Variants in PCP4L1 observed in about 807,000 individuals in gnomAD.
The protein encoded by PCP4L1 is Purkinje cell protein 4 like 1.
A neutral mutation model predicts 9.6 loss-of-function variants in PCP4L1; 9 were observed. The observed-to-expected ratio is 0.94, with a 90% CI of 0.57 to 1.64. The LOEUF is 1.64. Among genes scored for constraint, PCP4L1 ranks in the 40% most tolerant of loss-of-function variants. PCP4L1 has a pLI of 0.00. For synonymous variants in PCP4L1, 31 were observed against 28.2 expected (o/e 1.10, Z -0.31); for missense variants, 81 against 80.8 (o/e 1.00, Z -0.01).
intron 1 of PCP4L1, among the ~76,000 whole-genome samples, chr1:161,267,719 G>GTTTTTA (rs58544294): frequency 0.13 from 20,270 of 151,856 alleles, 1,434 homozygotes; most frequent in Middle Eastern, 0.16. Context: ...TTTTGTTTTT[G>GTTTTTA]TTTTTTTAGA....
Position 161,285,232 on chromosome 1 carries a change from G to GTAC in PCP4L1, c.*755_*757dup, listed in dbSNP as rs1317065902. The GTAC allele has an allele frequency of 1.3e-5, 2 of 152,366 alleles. No individual in the cohort carries two copies. Among genetic ancestry groups the GTAC allele is most frequent in the Non-Finnish European group, 2.9e-5 (2 of 68,102 alleles). The allele number at this position is 152,366 out of a possible 1,614,324, so 9.4% of individuals were successfully genotyped here. A position where few individuals can be genotyped will look rare whatever the true frequency, so the allele number is the denominator to read the frequency against. On this transcript the variant is annotated 3_prime_UTR_variant, in exon 3 of 3. Transcript: ENST00000504449. ...GAATTTTTTTACTGCTGGGAAAAGTGTACTACATGAAGGATGCTTGGGGCT... is the reference window on the plus strand; with the variant it reads ...GAATTTTTTTACTGCTGGGAAAAGTGTACTACTACATGAAGGATGCTTGGGGCT...
intron 1 of PCP4L1, among the ~76,000 whole-genome samples, chr1:161,274,863 G>A (rs1322057979): frequency 1.3e-5 from 2 of 152,178 alleles, no homozygotes; most frequent in African/African-American, 4.8e-5. Flanking sequence ...CCCTTTCAGT[G>A]GAAGGTAAAA....
intron 1 of PCP4L1, among the ~76,000 whole-genome samples, chr1:161,268,514 A>G (rs1669571156): frequency 1.4e-5 from 2 of 143,662 alleles, no homozygotes; most frequent in Admixed American, 6.9e-5. Flanking sequence ...AATATGTGCT[A>G]TGTATTTTAC....
rs114280853 is a variant in PCP4L1 at position 161,266,316 on chromosome 1, C to T, written c.9+7333C>T. Reference sequence around the variant, plus strand: ...TAATACGTTTATTTTGGGACATTAACACCATGGGTGGGATGCACATTGAAG... The same window carrying T: ...TAATACGTTTATTTTGGGACATTAATACCATGGGTGGGATGCACATTGAAG... On this transcript the variant is annotated intron_variant, in intron 1 of 2. Coordinates refer to ENST00000504449, the MANE Select transcript of PCP4L1 (RefSeq NM_001102566.2). 3.1e-3 allele frequency among the ~76,000 whole-genome samples: 476 copies of T among 152,322 alleles called. 1 individual carries two copies. The highest frequency in any genetic ancestry group is 5.7e-3 in the Non-Finnish European group (391 of 68,038).
At chr1:161,282,815 C>A (rs1669846058) in intron 1 of PCP4L1, among the ~76,000 whole-genome samples, 1 of 152,140 alleles carries the variant, frequency 6.6e-6, no homozygotes, top group East Asian at 1.9e-4. Flanking sequence ...ACAATGCCAT[C>A]TTTCGAATCA....
chr1:161,260,400 C>T (rs116645440), intron 1 of PCP4L1, among the ~76,000 whole-genome samples: 2 of 152,208 alleles, frequency 1.3e-5, no homozygotes, highest in African/African-American at 4.8e-5. Flanking sequence ...ACGCATCAAC[C>T]TCCTCTTTCA....
At chr1:161,261,163 G>GT (rs1325978628) in intron 1 of PCP4L1, among the ~76,000 whole-genome samples, 1 of 152,134 alleles carries the variant, frequency 6.6e-6, no homozygotes, top group Non-Finnish European at 1.5e-5. Context: ...TGAATCTTAC[G>GT]TAAGTTTCAC....
rs1669878138 is a variant in PCP4L1 at position 161,284,613 on chromosome 1, T to A, written c.*132T>A. 1.6e-6 allele frequency: 2 copies of A among 1,225,970 alleles called. No individual in the cohort carries two copies. The highest frequency in any genetic ancestry group is 2.6e-5 in the Admixed American group (1 of 38,414). The allele number at this position is 1,225,970 out of a possible 1,614,324, so 75.9% of individuals were successfully genotyped here. A position where few individuals can be genotyped will look rare whatever the true frequency, so the allele number is the denominator to read the frequency against. On this transcript the variant is annotated 3_prime_UTR_variant, in exon 3 of 3. Transcript: ENST00000504449. ...AGTTCAACCTTTATATACTCTTGTA[T>A]CTGGCCCCCTCAAGCCATCACAGAA...
chr1:161,274,902 TAGG>T (rs1489022742), intron 1 of PCP4L1, among the ~76,000 whole-genome samples: 1 of 152,154 alleles, frequency 6.6e-6, no homozygotes, highest in Non-Finnish European at 1.5e-5. Flanking sequence ...TTGTGAGTAA[TAGG>T]AGTTTTCTTC....
At chr1:161,279,984 G>A (rs1669766853) in intron 1 of PCP4L1, among the ~76,000 whole-genome samples, 1 of 152,174 alleles carries the variant, frequency 6.6e-6, no homozygotes, top group South Asian at 2.1e-4. Context: ...CTCCATCTGA[G>A]CAGGGAACCT....
chr1:161,282,380 A>G (rs1245917981), intron 1 of PCP4L1, among the ~76,000 whole-genome samples: 3 of 123,718 alleles, frequency 2.4e-5, no homozygotes, highest in East Asian at 4.9e-4. Context: ...GAGCGTGGAA[A>G]GAGAGGGAGA....
intron 1 of PCP4L1, among the ~76,000 whole-genome samples, chr1:161,272,269 G>A (rs1669635573): frequency 6.9e-6 from 1 of 145,780 alleles, no homozygotes; most frequent in Admixed American, 7.0e-5. Flanking sequence ...TTTAACATTG[G>A]TATTCCTGGG....
intron 1 of PCP4L1, among the ~76,000 whole-genome samples, chr1:161,270,847 C>T (rs1194599811): frequency 8.5e-6 from 1 of 118,202 alleles, no homozygotes; most frequent in Non-Finnish European, 1.8e-5. Flanking sequence ...TGCACTCCAG[C>T]CTGGTGATTG....
At chr1:161,279,648 A>C (rs1354949987) in intron 1 of PCP4L1, among the ~76,000 whole-genome samples, 2 of 152,230 alleles carry the variant, frequency 1.3e-5, no homozygotes, top group East Asian at 3.8e-4. Flanking sequence ...TAGATGAGAA[A>C]ACATTTATGA....
chr1:161,272,709 A>ATATT (rs1295985712), intron 1 of PCP4L1, among the ~76,000 whole-genome samples: 1 of 151,912 alleles, frequency 6.6e-6, no homozygotes, highest in Non-Finnish European at 1.5e-5. Flanking sequence ...AAGGATAAAT[A>ATATT]TATTTATTTA....
intron 1 of PCP4L1, among the ~76,000 whole-genome samples, chr1:161,275,239 G>C (rs759157062): frequency 1.3e-5 from 2 of 152,226 alleles, no homozygotes; most frequent in Non-Finnish European, 1.5e-5. Context: ...TCCAGTGGCC[G>C]GGTGTGGTGG....
chr1:161,268,502 G>A (rs1054888797), intron 1 of PCP4L1, among the ~76,000 whole-genome samples: 3 of 147,454 alleles, frequency 2.0e-5, no homozygotes, highest in Non-Finnish European at 3.0e-5. Context: ...ACTATTTATT[G>A]TAATATGTGC....
intron 1 of PCP4L1, among the ~76,000 whole-genome samples, chr1:161,268,493 CTA>C (rs1188357091): frequency 2.0e-5 from 3 of 150,146 alleles, no homozygotes; most frequent in African/African-American, 7.3e-5. Flanking sequence ...GGAATAATAA[CTA>C]TTTATTGTAA....
At chr1:161,276,770 A>T (rs868111726) in intron 1 of PCP4L1, among the ~76,000 whole-genome samples, 1 of 145,790 alleles carries the variant, frequency 6.9e-6, no homozygotes. Context: ...TATATATATA[A>T]AAAATATACA....
Sources: allele counts gnomAD v4.1 joint callset (sites outside exome capture counted in the v4.1 genomes callset), GRCh38; gene constraint gnomAD v4.1.1; transcripts MANE v1.5; gene names NCBI Gene and HGNC (gene_info 2026-07-23, HGNC 2026-07-21).